SDK1: variants seen among roughly 807,000 people sequenced by gnomAD.
SDK1 encodes the protein sidekick cell adhesion molecule 1.
A neutral mutation model predicts 245.5 loss-of-function variants in SDK1; 157 were observed. That is an observed-to-expected ratio of 0.64 (90% CI 0.56 to 0.73). The LOEUF is 0.73. SDK1 is among the 30% of genes least tolerant of loss of function. The pLI, the probability that SDK1 is intolerant of heterozygous loss-of-function variation, is 0.00. For missense variants in SDK1, 3,583 were observed against 3,002.3 expected (o/e 1.19, Z -4.52); for synonymous variants, 1,647 against 1,278.5 (o/e 1.29, Z -6.15).
intron 1 of SDK1, among the ~76,000 whole-genome samples, chr7:3,376,426 C>G (rs1330632521): frequency 6.6e-6 from 1 of 151,812 alleles, no homozygotes; most frequent in Non-Finnish European, 1.5e-5. Flanking sequence ...AAGGCAGTGT[C>G]TCGGAGAACT....
chr7:3,652,412 C>T (rs1046241078), intron 4 of SDK1, among the ~76,000 whole-genome samples: 7 of 152,324 alleles, frequency 4.6e-5, no homozygotes, highest in Non-Finnish European at 7.3e-5. Flanking sequence ...TCATGTGGCA[C>T]GGCCTTCATG....
At chr7:3,661,721 A>T (rs1783362850) in intron 4 of SDK1, among the ~76,000 whole-genome samples, 1 of 152,224 alleles carries the variant, frequency 6.6e-6, no homozygotes, top group Admixed American at 6.5e-5. Context: ...GCAGTATAAA[A>T]TGGTGGCTAA....
chr7:3,490,296 A>G (rs937928473), intron 1 of SDK1, among the ~76,000 whole-genome samples: 10 of 152,240 alleles, frequency 6.6e-5, no homozygotes, highest in East Asian at 1.9e-4. Flanking sequence ...ACTGATACCA[A>G]TTAGCCGAAG....
chr7:4,110,959 A>G (rs1488783260), intron 23 of SDK1, among the ~76,000 whole-genome samples, 187 bp downstream of exon 23: 1 of 152,144 alleles, frequency 6.6e-6, no homozygotes, highest in Admixed American at 6.5e-5. Context: ...AAGGGAGATG[A>G]TAGGCAGATG....
chr7:3,631,550 A>G (rs926023869), intron 2 of SDK1, among the ~76,000 whole-genome samples: 2 of 152,156 alleles, frequency 1.3e-5, no homozygotes, highest in African/African-American at 4.8e-5. Flanking sequence ...ATCTTATTTA[A>G]TTTAGATCCA....
chr7:3,377,809 C>T (rs1280678094), intron 1 of SDK1, among the ~76,000 whole-genome samples: 1 of 152,088 alleles, frequency 6.6e-6, no homozygotes, highest in African/African-American at 2.4e-5. Context: ...GACAGAGTCT[C>T]ACTCTGTTGC....
intron 5 of SDK1, among the ~76,000 whole-genome samples, chr7:3,918,605 A>G (rs1159416619): frequency 6.6e-6 from 1 of 152,162 alleles, no homozygotes; most frequent in Non-Finnish European, 1.5e-5. Context: ...ATAATCATAG[A>G]AATAAAGGGC....
intron 1 of SDK1, among the ~76,000 whole-genome samples, chr7:3,430,736 G>A (rs570169019): frequency 6.6e-6 from 1 of 152,178 alleles, no homozygotes; most frequent in Non-Finnish European, 1.5e-5. Flanking sequence ...TCTATCTCTA[G>A]TAGGAATGTC....
chr7:3,906,012 A>G (rs1778902118), intron 5 of SDK1, among the ~76,000 whole-genome samples: 1 of 151,798 alleles, frequency 6.6e-6, no homozygotes, highest in Admixed American at 6.6e-5. Context: ...ATTTAAGCAT[A>G]TTTGCATCTT....
In SDK1 at chr7:3,903,940, G is replaced by A. The variant is rs113098919; in HGVS notation, c.848-46983G>A. Among the ~76,000 whole-genome samples, 55 of 152,252 alleles carry A rather than the reference G, an allele frequency of 3.6e-4. 1 individual carries two copies. Among genetic ancestry groups the A allele is most frequent in the African/African-American group, 1.3e-3 (52 of 41,542 alleles). The stretch of plus-strand genomic sequence containing the variant: ...TCTGTCTTGCTTTCTCTCTGGCCAT[G>A]TAATCTTCGCACACGAGACACCCCT... On this transcript the variant is annotated intron_variant, in intron 5 of 44. Transcript: ENST00000404826.
intron 1 of SDK1, among the ~76,000 whole-genome samples, chr7:3,328,752 A>G (rs929819561): frequency 1.3e-5 from 2 of 152,110 alleles, no homozygotes; most frequent in African/African-American, 4.8e-5. Context: ...GACCACACAC[A>G]TAGATCTATT....
chr7:3,424,160 C>T (rs1779611848), intron 1 of SDK1, among the ~76,000 whole-genome samples: 1 of 152,144 alleles, frequency 6.6e-6, no homozygotes, highest in Non-Finnish European at 1.5e-5. Flanking sequence ...GATCTGCCTG[C>T]CTTGGCCTGC....
chr7:3,535,000 G>T (rs1778834767), intron 1 of SDK1, among the ~76,000 whole-genome samples: 1 of 152,158 alleles, frequency 6.6e-6, no homozygotes, highest in East Asian at 1.9e-4. Flanking sequence ...TAAATGTCAT[G>T]CAGTGGCTCA....
At chr7:4,201,320 G>A (rs1016120982) in intron 35 of SDK1, among the ~76,000 whole-genome samples, 1 of 152,198 alleles carries the variant, frequency 6.6e-6, no homozygotes, top group Non-Finnish European at 1.5e-5. Context: ...GCTCAGGGGA[G>A]CAGATTGCGA....
intron 4 of SDK1, among the ~76,000 whole-genome samples, chr7:3,752,831 A>C (rs1044041100): frequency 1.3e-5 from 2 of 152,192 alleles, no homozygotes; most frequent in Non-Finnish European, 2.9e-5. Flanking sequence ...TTTTTTCTCT[A>C]TATAGTATAG....
At chr7:3,399,222 A>AT (rs1248346591) in intron 1 of SDK1, among the ~76,000 whole-genome samples, 5 of 151,506 alleles carry the variant, frequency 3.3e-5, no homozygotes, top group Non-Finnish European at 7.4e-5. Flanking sequence ...TTTTCTGCTC[A>AT]TTTTTGTCAG....
At chr7:4,109,259 C>G (rs1420694920) in intron 22 of SDK1, among the ~76,000 whole-genome samples, 1 of 152,182 alleles carries the variant, frequency 6.6e-6, no homozygotes, top group East Asian at 1.9e-4. Flanking sequence ...ATGTTTTCAG[C>G]TGAAAGCGTT....
chr7:3,493,730 A>AT (rs1285417939), intron 1 of SDK1, among the ~76,000 whole-genome samples: 1 of 152,212 alleles, frequency 6.6e-6, no homozygotes, highest in African/African-American at 2.4e-5. Context: ...TTAACTCACA[A>AT]TTACTGCATT....
chr7:4,139,291 G>GTT (rs902408515), intron 28 of SDK1, among the ~76,000 whole-genome samples: 3 of 151,508 alleles, frequency 2.0e-5, no homozygotes, highest in Non-Finnish European at 4.4e-5. Context: ...GATTTCATGG[G>GTT]TTTTTTTTTC....
Sources: allele counts gnomAD v4.1 joint callset (sites outside exome capture counted in the v4.1 genomes callset), GRCh38; gene constraint gnomAD v4.1.1; transcripts MANE v1.5; gene names NCBI Gene and HGNC (gene_info 2026-07-23, HGNC 2026-07-21).